OSBPL5: variants seen among roughly 807,000 people sequenced by gnomAD.
OSBPL5 encodes the protein oxysterol-binding protein-related protein 5.
A neutral mutation model predicts 111.2 loss-of-function variants in OSBPL5; 71 were observed. The ratio of observed to expected loss-of-function variants is 0.64; its 90% confidence interval spans 0.53 to 0.78. The LOEUF (loss-of-function observed/expected upper bound fraction) is 0.78. Ranked by LOEUF, OSBPL5 falls within the 30% of genes least tolerant of loss-of-function variation. The probability of loss-of-function intolerance (pLI) is 0.00; values close to 1 mark genes in which losing one functional copy is unlikely to be tolerated. For missense variants in OSBPL5, 1,210 were observed against 1,189.3 expected, an observed-to-expected ratio of 1.02 and a Z score of -0.26; for synonymous variants, 549 against 513.9, an observed-to-expected ratio of 1.07 and a Z score of -0.93.
intron 14 of OSBPL5, chr11:3,094,559 C>T: frequency 1.9e-6 from 1 of 513,480 alleles, no homozygotes; most frequent in South Asian, 2.4e-5. Context: ...AGGTGCGGAG[C>T]CTGGGAGGCA....
At chr11:3,094,421 C>A (rs1857179576) in intron 14 of OSBPL5, 87 bp from the exon 15 acceptor site, 1 of 1,017,520 alleles carries the variant, frequency 9.8e-7, no homozygotes. Flanking sequence ...CAGCACCGAT[C>A]CCTGAGTCCC....
At chr11:3,112,047 ATGTGTGTGCATG>A (rs1857986851) in intron 7 of OSBPL5, among the ~76,000 whole-genome samples, 3 of 66,812 alleles carry the variant, frequency 4.5e-5, no homozygotes, top group Non-Finnish European at 5.7e-5. Context: ...GTGTGCGCGC[ATGTGTGTGCATG>A]TGTATGTGTG....
intron 1 of OSBPL5, among the ~76,000 whole-genome samples, chr11:3,133,995 A>G (rs1325126466): frequency 6.6e-6 from 1 of 151,188 alleles, no homozygotes; most frequent in African/African-American, 2.4e-5. Flanking sequence ...GGGGGGGGTC[A>G]CTAGATGTAT....
Position 3,162,802 on chromosome 11 carries a change from C to A in OSBPL5, c.-22+2414G>T, listed in dbSNP as rs896768288. Among the ~76,000 whole-genome samples, 15 of 152,066 alleles carry A rather than the reference C, an allele frequency of 9.9e-5. No homozygotes were observed. Among genetic ancestry groups the A allele is most frequent in the Admixed American group, 9.2e-4 (14 of 15,272 alleles). On this transcript the variant is annotated intron_variant, in intron 1 of 21. Coordinates refer to ENST00000263650, the MANE Select transcript of OSBPL5 (RefSeq NM_020896.4). This position sits in a 1 kb window ranked among gnomAD's most constrained non-coding sequence, Gnocchi z 8.1. ...CAAAGCTGGCATCGAGAACAATATT[C>A]TTTTCCTTTGTGCCGGTCACAAGCA...
chr11:3,133,393 C>T (rs1213113034), intron 1 of OSBPL5, among the ~76,000 whole-genome samples: 1 of 152,248 alleles, frequency 6.6e-6, no homozygotes, highest in East Asian at 1.9e-4. Context: ...CTGGGAAATG[C>T]AAAAGGCCTG....
rs55927000 is a variant in OSBPL5 at position 3,106,030 on chromosome 11, G to C, written c.1059+1233C>G. The stretch of plus-strand genomic sequence containing the variant: ...CTGTCCCGAGGCCCTTGCCTAACCC[G>C]CCGGTGGCTTCCCCAATACTCTCAG... On this transcript the variant is annotated intron_variant, in intron 9 of 21. Coordinates refer to ENST00000263650, the MANE Select transcript of OSBPL5 (RefSeq NM_020896.4). This position sits in a 1 kb window ranked among gnomAD's most constrained non-coding sequence, Gnocchi z 8.4. Among the ~76,000 whole-genome samples the C allele has an allele frequency of 0.1, 15,882 of 151,872 alleles. 954 individuals carry two copies. Among genetic ancestry groups the C allele is most frequent in the South Asian group, 0.17 (828 of 4,816 alleles).
intron 10 of OSBPL5, among the ~76,000 whole-genome samples, chr11:3,103,854 G>GCC (rs879566277): frequency 0.028 from 2,837 of 102,464 alleles, 108 homozygotes; most frequent in South Asian, 0.034. Context: ...CCCCTTTCCA[G>GCC]TCTGCGCAGC....
At chr11:3,131,857 C>CATTCATT (rs1845810667) in intron 1 of OSBPL5, among the ~76,000 whole-genome samples, 2 of 43,544 alleles carry the variant, frequency 4.6e-5, no homozygotes, top group Admixed American at 1.8e-4. Flanking sequence ...ACCCACCAAA[C>CATTCATT]CATCCATCCA....
rs986220653 is a variant in OSBPL5, at chr11:3,146,137, G to A, written c.-21-16968C>T. The A allele has an allele frequency of 9.9e-5, 15 of 152,196 alleles. No individual in the cohort carries two copies. Among genetic ancestry groups the A allele is most frequent in the Admixed American group, 2.6e-4 (4 of 15,274 alleles). 9.4% of individuals were successfully genotyped at this position (152,196 alleles called of 1,614,324 possible). ...GCCCTTCCATCTCACCAGATGCTAG[G>A]GGTACAAAAGAAAAATAAGCCAGGG... On this transcript the variant is annotated intron_variant, in intron 1 of 21. Coordinates refer to ENST00000263650, the MANE Select transcript of OSBPL5 (RefSeq NM_020896.4). The surrounding 1 kb of genome is among the most constrained non-coding windows in gnomAD (Gnocchi z 7.8).
At chr11:3,122,539 T>G (rs1345930157) in intron 3 of OSBPL5, 111 bp from the exon 4 acceptor site, 4 of 907,878 alleles carry the variant, frequency 4.4e-6, no homozygotes, top group African/African-American at 3.3e-5. Context: ...AGAAGGGCGC[T>G]CCACTCGTTT....
Position 3,093,556 on chromosome 11 carries a change from C to T in OSBPL5, c.1917G>A (p.Leu639=). 2.5e-6 allele frequency: 4 copies of T among 1,611,274 alleles called. No individual in the cohort carries two copies. The highest frequency in any genetic ancestry group is 3.4e-6 in the Non-Finnish European group (4 of 1,179,916). Residue 639 remains leucine (L), a synonymous_variant, in exon 17 of 22, where the codon CTG becomes CTA. Coordinates refer to ENST00000263650, the MANE Select transcript of OSBPL5 (RefSeq NM_020896.4). Reference sequence around the variant, plus strand: ...CGGACTCCAGCTCCGTCTGCTCCTCCAGCGGCACCGTGTGCTGCCTCAGCC... The same window carrying T: ...CGGACTCCAGCTCCGTCTGCTCCTCTAGCGGCACCGTGTGCTGCCTCAGCC... ...RQRLRQHTVP[L]EEQTELESER...
rs537022714 is a variant in OSBPL5, at chr11:3,113,766, AG to A, written c.691+5780del. Among the ~76,000 whole-genome samples the A allele has an allele frequency of 6.6e-6, 1 of 152,336 alleles. No individual in the cohort carries two copies. Among genetic ancestry groups the A allele is most frequent in the South Asian group, 2.1e-4 (1 of 4,822 alleles). ...TAGGTAGTCTAGTCCACAGGCAGTAAGGTTCATTTTGAGAAAGACTGTTATA... is the reference window on the plus strand; with the variant it reads ...TAGGTAGTCTAGTCCACAGGCAGTAAGTTCATTTTGAGAAAGACTGTTATA... On this transcript the variant is annotated intron_variant, in intron 7 of 21. Transcript: ENST00000263650. This position sits in a 1 kb window ranked among gnomAD's most constrained non-coding sequence, Gnocchi z 4.8.
chr11:3,092,611 G>C lies in OSBPL5; in HGVS notation c.2133-53C>G. 18 of 1,510,524 alleles carry C rather than the reference G, an allele frequency of 1.2e-5. No individual in the cohort carries two copies. Among genetic ancestry groups the C allele is most frequent in the Non-Finnish European group, 1.5e-5 (17 of 1,120,976 alleles). 93.6% of individuals were successfully genotyped at this position (1,510,524 alleles called of 1,614,324 possible). ...CACAGGCAGTGGCCCTCAGGTGAGGGGGCTGTCCTGGCCCAGTCTTCAGCC... is the reference window on the plus strand; with the variant it reads ...CACAGGCAGTGGCCCTCAGGTGAGGCGGCTGTCCTGGCCCAGTCTTCAGCC... On this transcript the variant is annotated intron_variant, in intron 18 of 21. Coordinates refer to ENST00000263650, the MANE Select transcript of OSBPL5 (RefSeq NM_020896.4). The surrounding 1 kb of genome is among the most constrained non-coding windows in gnomAD (Gnocchi z 5.4).
rs554610970 is a variant in OSBPL5 at position 3,101,815 on chromosome 11, C to T, written c.1426-116G>A. ...GTCCCTGACGCCACATCTTCTCCCC[C>T]GATCCCAGGATTCGGGTAGGGGCCT... is the stretch of plus-strand genomic sequence containing the variant. On this transcript the variant is annotated intron_variant, in intron 12 of 21. Transcript: ENST00000263650. The T allele has an allele frequency of 7.3e-5, 62 of 854,584 alleles. 1 individual carries two copies. The Admixed American group carries it at 9.2e-4, about 13-fold the overall frequency. 52.9% of individuals were successfully genotyped at this position (854,584 alleles called of 1,614,324 possible).
At chr11:3,143,965 G>T (rs1472784998) in intron 1 of OSBPL5, among the ~76,000 whole-genome samples, 3 of 152,160 alleles carry the variant, frequency 2.0e-5, no homozygotes, top group Non-Finnish European at 2.9e-5. Flanking sequence ...GTGGACACTG[G>T]GTTTGGGTAG....
intron 1 of OSBPL5, among the ~76,000 whole-genome samples, chr11:3,152,656 T>C (rs1846626931): frequency 6.6e-6 from 1 of 152,214 alleles, no homozygotes; most frequent in Non-Finnish European, 1.5e-5. Flanking sequence ...AGCCTGGCTC[T>C]ATCCTGAAAG....
At chr11:3,132,296 C>A (rs1057040090) in intron 1 of OSBPL5, among the ~76,000 whole-genome samples, 2 of 152,196 alleles carry the variant, frequency 1.3e-5, no homozygotes, top group South Asian at 2.1e-4. Context: ...CCGGGCCCTG[C>A]AGACCACCTC....
chr11:3,164,678 C>T (rs1321787078), intron 1 of OSBPL5, among the ~76,000 whole-genome samples: 1 of 152,224 alleles, frequency 6.6e-6, no homozygotes, highest in African/African-American at 2.4e-5. Flanking sequence ...CCAGGCAGCC[C>T]CCTGACTCTG....
rs1847008370 is a variant in OSBPL5 at position 3,162,907 on chromosome 11, C to A, written c.-22+2309G>T. ...CACTTGTACCCCCCAACATCTACCC[C>A]CCAGCACACTGGTGCACTCCCTGGG... is the stretch of plus-strand genomic sequence containing the variant. On this transcript the variant is annotated intron_variant, in intron 1 of 21. Coordinates refer to ENST00000263650, the MANE Select transcript of OSBPL5 (RefSeq NM_020896.4). This position sits in a 1 kb window ranked among gnomAD's most constrained non-coding sequence, Gnocchi z 8.1. Among the ~76,000 whole-genome samples the A allele has an allele frequency of 6.6e-6, 1 of 152,192 alleles. No homozygotes were observed. Among genetic ancestry groups the A allele is most frequent in the South Asian group, 2.1e-4 (1 of 4,820 alleles).
Sources: allele counts gnomAD v4.1 joint callset (sites outside exome capture counted in the v4.1 genomes callset), GRCh38; gene constraint gnomAD v4.1.1; non-coding constraint Gnocchi (gnomAD v3.1); transcripts MANE v1.5; gene names NCBI Gene and HGNC (gene_info 2026-07-23, HGNC 2026-07-21).